Variants in PAK3 observed in about 807,000 individuals in gnomAD.
PAK3 encodes p21 (RAC1) activated kinase 3, also known as serine/threonine-protein kinase PAK 3.
A neutral mutation model predicts 41.0 loss-of-function variants in PAK3; 4 were observed. That is an observed-to-expected ratio of 0.10 (90% CI 0.05 to 0.22). The LOEUF (loss-of-function observed/expected upper bound fraction) is 0.22. Ranked by LOEUF, PAK3 falls within the 10% of genes least tolerant of loss-of-function variation. The pLI is 1.00. For synonymous variants in PAK3, 146 were observed against 139.6 expected, an observed-to-expected ratio of 1.05 and a Z score of -0.32; for missense variants, 205 against 409.9, an observed-to-expected ratio of 0.50 and a Z score of 4.32.
chrX:111,016,560 TTTTGCGACCAGGAAGATAATTCACTG>T (rs1222060050), intron 1 of PAK3, among the ~76,000 whole-genome samples: 1 of 111,047 alleles, frequency 9.0e-6, no homozygotes, highest in Non-Finnish European at 1.9e-5. Context: ...TCCAAATTTG[TTTTGCGACCAGGAAGATAATTCACTG>T]TTTGCGTTAT....
chrX:111,168,788 G>T lies in PAK3; in HGVS notation c.767-4230G>T, dbSNP rs143970900. 5.5e-3 allele frequency among the ~76,000 whole-genome samples: 618 copies of T among 111,710 alleles called. 6 individuals are homozygous for T. The highest frequency in any genetic ancestry group is 0.019 in the African/African-American group (599 of 30,811). On this transcript the variant is annotated intron_variant, in intron 10 of 17. Transcript: ENST00000372007. The stretch of plus-strand genomic sequence containing the variant: ...AGCTTTTTCTATATGGAAAAAAGTT[G>T]CTTAGCAACTTAATAGTTAAACTTT...
chrX:110,962,345 G>A (rs984134096), intron 1 of PAK3, among the ~76,000 whole-genome samples: 1 of 111,642 alleles, frequency 9.0e-6, no homozygotes, highest in Non-Finnish European at 1.9e-5. Context: ...TCCTCCCAAG[G>A]CTATCTCTAA....
At chrX:110,976,952 A>G (rs1431034934) in intron 1 of PAK3, among the ~76,000 whole-genome samples, 1 of 99,106 alleles carries the variant, frequency 1.0e-5, no homozygotes, top group African/African-American at 3.7e-5. Flanking sequence ...ACACTGGGGC[A>G]TGTCAGGGGT....
At chrX:111,098,944 C>G (rs1320628063) in intron 3 of PAK3, among the ~76,000 whole-genome samples, 1 of 110,862 alleles carries the variant, frequency 9.0e-6, no homozygotes, top group African/African-American at 3.3e-5. Context: ...GGGGGCTAGG[C>G]GTTTCCCTCT....
At chrX:111,072,991 C>T (rs981129130) in intron 1 of PAK3, among the ~76,000 whole-genome samples, 4 of 111,654 alleles carry the variant, frequency 3.6e-5, no homozygotes, top group Non-Finnish European at 7.5e-5. Context: ...GACAAAGCTG[C>T]CAGAAAAGAG....
At chrX:111,148,008 C>T in intron 7 of PAK3, 118 bp downstream of exon 7, 1 of 620,113 alleles carries the variant, frequency 1.6e-6, no homozygotes, top group Admixed American at 2.9e-5. Context: ...CTTCAAATGA[C>T]ATCAACATAA....
intron 6 of PAK3, among the ~76,000 whole-genome samples, chrX:111,144,310 G>C: frequency 8.9e-6 from 1 of 111,822 alleles, no homozygotes. Context: ...AAAGACATAG[G>C]CTAAATTTGG....
At chrX:111,119,737 AAT>A (rs1482054226) in intron 4 of PAK3, among the ~76,000 whole-genome samples, 1 of 112,274 alleles carries the variant, frequency 8.9e-6, no homozygotes, top group Non-Finnish European at 1.9e-5. Context: ...TCCCTTTTTA[AAT>A]ATGTTTGTGG....
At chrX:111,060,557 CT>C (rs200640368) in intron 1 of PAK3, among the ~76,000 whole-genome samples, 1 of 110,593 alleles carries the variant, frequency 9.0e-6, no homozygotes, top group Non-Finnish European at 1.9e-5. Context: ...TTGTCCTGGG[CT>C]TTTTTTTAAT....
chrX:111,113,529 G>T (rs762909429), intron 4 of PAK3, among the ~76,000 whole-genome samples: 67 of 111,445 alleles, frequency 6.0e-4, no homozygotes, highest in African/African-American at 2.2e-3. Context: ...TTTCTGAAGT[G>T]CTGTAGCTCC....
chrX:111,111,845 C>A (rs1274775213), intron 4 of PAK3, among the ~76,000 whole-genome samples: 2 of 111,532 alleles, frequency 1.8e-5, no homozygotes, highest in African/African-American at 6.5e-5. Context: ...ATTTGGGGTC[C>A]TGAGAACAGT....
At chrX:111,172,669 T>G (rs1293285578) in intron 10 of PAK3, among the ~76,000 whole-genome samples, 1 of 111,591 alleles carries the variant, frequency 9.0e-6, no homozygotes, top group Non-Finnish European at 1.9e-5. Flanking sequence ...TCTTAGATTT[T>G]TTTTATATCC....
chrX:111,108,195 G>A (rs2093308971), intron 4 of PAK3, among the ~76,000 whole-genome samples: 1 of 112,130 alleles, frequency 8.9e-6, no homozygotes, highest in African/African-American at 3.2e-5. Context: ...ATTTAGAGAA[G>A]TCACTTTCCA....
chrX:111,214,941 T>C (rs1325594403), intron 16 of PAK3, among the ~76,000 whole-genome samples: 1 of 111,599 alleles, frequency 9.0e-6, no homozygotes, highest in Non-Finnish European at 1.9e-5. Flanking sequence ...ACCCTGGCAG[T>C]ACCTGCAGGC....
intron 1 of PAK3, among the ~76,000 whole-genome samples, chrX:110,967,278 G>GACA (rs781311411): frequency 8.8e-6 from 1 of 113,120 alleles, no homozygotes; most frequent in African/African-American, 3.2e-5. Flanking sequence ...GGTCAGAGCT[G>GACA]ACAACAGGAA....
chrX:111,122,363 C>T (rs2148998726), intron 4 of PAK3, among the ~76,000 whole-genome samples: 1 of 108,965 alleles, frequency 9.2e-6, no homozygotes, highest in African/African-American at 3.3e-5. Context: ...TCCCTTTTTC[C>T]TTCTTCCAAG....
chrX:111,161,344 T>C (rs1476489386), intron 8 of PAK3, among the ~76,000 whole-genome samples: 1 of 111,671 alleles, frequency 9.0e-6, no homozygotes. Flanking sequence ...TTGTTTGAGT[T>C]CATTGTAGAT....
intron 10 of PAK3, among the ~76,000 whole-genome samples, chrX:111,166,560 A>T (rs1238818692): frequency 1.8e-5 from 2 of 111,303 alleles, no homozygotes; most frequent in Admixed American, 9.6e-5. Flanking sequence ...TCAACTTCCC[A>T]ATGTGCTGGG....
intron 1 of PAK3, among the ~76,000 whole-genome samples, chrX:110,982,396 G>T (rs1003285611): frequency 8.9e-6 from 1 of 111,959 alleles, no homozygotes; most frequent in African/African-American, 3.3e-5. Context: ...CTTTTATTCA[G>T]CTATGAAATG....
Sources: gnomAD v4.1 joint callset for allele counts (sites outside exome capture counted in the v4.1 genomes callset) on GRCh38, gnomAD v4.1.1 for gene constraint, MANE v1.5 for transcripts, NCBI Gene and HGNC (gene_info 2026-07-23, HGNC 2026-07-21) for gene names.